Variants in NTM observed in about 807,000 individuals in gnomAD.
NTM encodes neurotrimin, also known as IgLON family member 2.
NTM carries 13 observed loss-of-function variants against 42.1 expected under a neutral mutation model. That is an observed-to-expected ratio of 0.31 (90% CI 0.20 to 0.49). NTM has a LOEUF of 0.49. NTM is among the 20% of genes least tolerant of loss of function. The probability of loss-of-function intolerance (pLI) is 0.99; values close to 1 mark genes in which losing one functional copy is unlikely to be tolerated. For synonymous variants in NTM, 187 were observed against 179.2 expected (o/e 1.04, Z -0.35); for missense variants, 373 against 452.8 (o/e 0.82, Z 1.60).
intron 3 of NTM, among the ~76,000 whole-genome samples, chr11:132,195,038 G>C (rs908679480): frequency 4.0e-5 from 6 of 151,822 alleles, no homozygotes; most frequent in Non-Finnish European, 7.4e-5. Context: ...GGCCAGGTTG[G>C]TCTCGAACTC....
At chr11:132,115,183 A>T (rs2063719588) in intron 2 of NTM, among the ~76,000 whole-genome samples, 1 of 152,176 alleles carries the variant, frequency 6.6e-6, no homozygotes, top group South Asian at 2.1e-4. Flanking sequence ...GTGAACGGGT[A>T]CAAAGTTTCA....
intron 1 of NTM, among the ~76,000 whole-genome samples, chr11:131,875,262 A>T (rs2048370056): frequency 6.6e-6 from 1 of 152,226 alleles, no homozygotes; most frequent in Non-Finnish European, 1.5e-5. Flanking sequence ...TTACGTAGAG[A>T]AAGTTTCCCT....
intron 1 of NTM, among the ~76,000 whole-genome samples, chr11:131,407,654 C>T (rs1413571320): frequency 6.6e-6 from 1 of 152,218 alleles, no homozygotes; most frequent in Non-Finnish European, 1.5e-5. Flanking sequence ...TCTGCCTTAA[C>T]TCAAATACTA....
At chr11:132,252,949 C>T (rs1457212741) in intron 4 of NTM, among the ~76,000 whole-genome samples, 1 of 152,180 alleles carries the variant, frequency 6.6e-6, no homozygotes, top group Non-Finnish European at 1.5e-5. Flanking sequence ...CCCAGTTTCC[C>T]CAGACTTGTG....
intron 1 of NTM, among the ~76,000 whole-genome samples, chr11:131,529,112 G>A (rs2050893167): frequency 6.6e-6 from 1 of 152,200 alleles, no homozygotes; most frequent in Non-Finnish European, 1.5e-5. Flanking sequence ...TAGAGAAGCT[G>A]TCATGCAGTT....
chr11:131,448,737 G>A (rs1950255280), intron 1 of NTM, among the ~76,000 whole-genome samples: 2 of 152,220 alleles, frequency 1.3e-5, no homozygotes, highest in South Asian at 4.1e-4. Context: ...TCGAAGTCCA[G>A]CCTCTCTGTC....
intron 2 of NTM, among the ~76,000 whole-genome samples, chr11:132,093,809 T>C (rs1173990600): frequency 6.6e-6 from 1 of 152,180 alleles, no homozygotes; most frequent in Admixed American, 6.6e-5. Flanking sequence ...TGGGTTAGGG[T>C]AGATTCTCAA....
At chr11:132,124,746 TGAG>T (rs1418921936) in intron 2 of NTM, among the ~76,000 whole-genome samples, 1 of 152,098 alleles carries the variant, frequency 6.6e-6, no homozygotes, top group Non-Finnish European at 1.5e-5. Flanking sequence ...GGAGGCCAAG[TGAG>T]GAGGATTGCC....
chr11:131,700,752 AT>A (rs1178117146), intron 1 of NTM, among the ~76,000 whole-genome samples: 1 of 152,206 alleles, frequency 6.6e-6, no homozygotes, highest in Non-Finnish European at 1.5e-5. Flanking sequence ...TGTACTTCAC[AT>A]TTTATTGACA....
At chr11:131,543,777 T>G (rs2053582367) in intron 1 of NTM, among the ~76,000 whole-genome samples, 1 of 152,220 alleles carries the variant, frequency 6.6e-6, no homozygotes, top group South Asian at 2.1e-4. Context: ...CTGGTAACAG[T>G]TGGTAAACGA....
intron 1 of NTM, among the ~76,000 whole-genome samples, chr11:131,566,640 A>C (rs2137048174): frequency 6.6e-6 from 1 of 152,346 alleles, no homozygotes; most frequent in East Asian, 1.9e-4. Context: ...CAGCAGGGGA[A>C]GGCACCTTGC....
chr11:131,965,352 ATAACT>A (rs2062704474), intron 2 of NTM, among the ~76,000 whole-genome samples: 1 of 152,162 alleles, frequency 6.6e-6, no homozygotes, highest in Non-Finnish European at 1.5e-5. Flanking sequence ...AGACAAGGAA[ATAACT>A]TATAGAGTGA....
chr11:131,382,577 T>A (rs550952573), intron 1 of NTM, among the ~76,000 whole-genome samples: 57 of 152,312 alleles, frequency 3.7e-4, no homozygotes, highest in African/African-American at 1.3e-3. Flanking sequence ...GAACAAAACT[T>A]TGCCCCTCCC....
chr11:131,892,146 TTTC>T (rs912444916), intron 1 of NTM, among the ~76,000 whole-genome samples: 52 of 151,958 alleles, frequency 3.4e-4, no homozygotes, highest in African/African-American at 1.1e-3. Flanking sequence ...CCTCCTCCTC[TTTC>T]TTCTTCTTCT....
At chr11:132,108,004 T>A (rs1412579126) in intron 2 of NTM, among the ~76,000 whole-genome samples, 1 of 152,196 alleles carries the variant, frequency 6.6e-6, no homozygotes, top group African/African-American at 2.4e-5. Context: ...AAACATATAA[T>A]GATCATTTTG....
intron 2 of NTM, among the ~76,000 whole-genome samples, chr11:132,067,822 T>C (rs890069741): frequency 2.0e-4 from 30 of 152,230 alleles, no homozygotes; most frequent in Non-Finnish European, 3.7e-4. Context: ...GTAGCACATG[T>C]TTGCAACTTT....
Position 132,315,010 on chromosome 11 carries a change from G to A in NTM, c.934+307G>A, listed in dbSNP as rs895944812. On this transcript the variant is annotated intron_variant, in intron 7 of 8. Transcript: ENST00000683400. ...AAGGAAAATGAAAAAGAATGTTCAT[G>A]TTTCATTCTATAATGGAAAAGATCC... 7.1e-6 allele frequency: 8 copies of A among 1,132,254 alleles called. No individual in the cohort carries two copies. In the East Asian group the frequency reaches 2.6e-4, roughly 37 times the overall value. The allele number at this position is 1,132,254 out of a possible 1,614,324, so 70.1% of individuals were successfully genotyped here.
intron 1 of NTM, among the ~76,000 whole-genome samples, chr11:131,553,068 G>C (rs1321054780): frequency 6.6e-6 from 1 of 152,132 alleles, no homozygotes; most frequent in Non-Finnish European, 1.5e-5. Context: ...TGGATGCTTA[G>C]GTGGTAAAAC....
At chr11:132,095,771 C>T (rs1391283714) in intron 2 of NTM, among the ~76,000 whole-genome samples, 6 of 152,274 alleles carry the variant, frequency 3.9e-5, no homozygotes, top group East Asian at 3.9e-4. Flanking sequence ...CTAGAAGACA[C>T]GTATTAGAAA....
Sources: gnomAD v4.1 joint callset for allele counts (sites outside exome capture counted in the v4.1 genomes callset) on GRCh38, gnomAD v4.1.1 for gene constraint, MANE v1.5 for transcripts, NCBI Gene and HGNC (gene_info 2026-07-23, HGNC 2026-07-21) for gene names.